The following MORC1 variants were observed in gnomAD, a reference collection of about 807,000 sequenced individuals.
The protein encoded by MORC1 is MORC family CW-type zinc finger protein 1.
A neutral mutation model predicts 134.9 loss-of-function variants in MORC1; 59 were observed. The observed-to-expected ratio is 0.44, with a 90% CI of 0.35 to 0.54. The LOEUF is 0.54. Among genes scored for constraint, MORC1 ranks in the 20% least tolerant of loss-of-function variants. The pLI is 0.00. For synonymous variants in MORC1, 395 were observed against 391.7 expected (o/e 1.01, Z -0.10); for missense variants, 947 against 1,134.5 (o/e 0.83, Z 2.37).
intron 17 of MORC1, among the ~76,000 whole-genome samples, chr3:109,024,511 AT>A (rs1250647644): frequency 6.6e-6 from 1 of 152,200 alleles, no homozygotes; most frequent in Non-Finnish European, 1.5e-5. Flanking sequence ...ATCCAGAAAG[AT>A]TTTTGATTTA....
At chr3:109,044,290 G>A (rs368638758) in intron 14 of MORC1, among the ~76,000 whole-genome samples, 48 of 152,164 alleles carry the variant, frequency 3.2e-4, no homozygotes, top group African/African-American at 1.1e-3. Flanking sequence ...AAAAAAAAAA[G>A]GGAAATACTT....
chr3:109,040,084 A>C (rs1432910070), intron 14 of MORC1, among the ~76,000 whole-genome samples: 26 of 152,032 alleles, frequency 1.7e-4, no homozygotes, highest in Non-Finnish European at 8.8e-5. Context: ...GCACAGAGAG[A>C]GCCTACAACA....
At chr3:108,964,134 C>T (rs1461135051) in intron 26 of MORC1, among the ~76,000 whole-genome samples, 2 of 152,178 alleles carry the variant, frequency 1.3e-5, no homozygotes, top group African/African-American at 2.4e-5. Context: ...CTTCGGGTTC[C>T]TTATCGTGAT....
At chr3:109,036,590 C>T (rs1949386127) in intron 14 of MORC1, among the ~76,000 whole-genome samples, 1 of 152,114 alleles carries the variant, frequency 6.6e-6, no homozygotes, top group Admixed American at 6.5e-5. Context: ...AGCCTTACAA[C>T]AACCTTAACA....
At chr3:109,101,988 C>T (rs753834314) in intron 4 of MORC1, among the ~76,000 whole-genome samples, 1 of 152,172 alleles carries the variant, frequency 6.6e-6, no homozygotes, top group Non-Finnish European at 1.5e-5. Context: ...TGGGAATAAA[C>T]CACTGAACAG....
intron 5 of MORC1, 120 bp from the exon 6 acceptor site, chr3:109,099,586 AC>A (rs2107776297): frequency 2.8e-6 from 2 of 703,336 alleles, no homozygotes; most frequent in South Asian, 6.1e-5. Flanking sequence ...TGTTCTGCTG[AC>A]CCGTCATCAA....
chr3:109,105,350 C>T (rs1263983945), intron 3 of MORC1, among the ~76,000 whole-genome samples: 2 of 152,202 alleles, frequency 1.3e-5, no homozygotes, highest in African/African-American at 4.8e-5. Context: ...TGGTGAAACC[C>T]TGTCTCTACT....
chr3:109,068,086 A>G (rs1950238808), intron 9 of MORC1, among the ~76,000 whole-genome samples: 1 of 152,248 alleles, frequency 6.6e-6, no homozygotes, highest in Non-Finnish European at 1.5e-5. Context: ...CCTAACACAC[A>G]GTGTTACTGC....
intron 8 of MORC1, among the ~76,000 whole-genome samples, chr3:109,089,729 T>C (rs1269350155): frequency 2.0e-5 from 3 of 152,246 alleles, no homozygotes; most frequent in African/African-American, 7.2e-5. Flanking sequence ...TAAACACACC[T>C]AGCCCAGCCC....
At chr3:109,059,919 A>G (rs1227433993) in intron 11 of MORC1, 49 bp from the exon 12 acceptor site, 2 of 1,503,934 alleles carry the variant, frequency 1.3e-6, no homozygotes, top group African/African-American at 1.4e-5. Context: ...CTGAATTAAC[A>G]AAAAGCAAGT....
chr3:109,002,139 T>G (rs990411045), intron 20 of MORC1, among the ~76,000 whole-genome samples: 1 of 152,226 alleles, frequency 6.6e-6, no homozygotes, highest in Non-Finnish European at 1.5e-5. Context: ...TCTGCCCACA[T>G]TCACTTTTGT....
Position 109,069,773 on chromosome 3 carries a change from C to A in MORC1, c.690-16G>T. On this transcript the variant is annotated splice_polypyrimidine_tract_variant and intron_variant, in intron 8 of 27. Transcript: ENST00000232603. The stretch of plus-strand genomic sequence containing the variant: ...CGCTGGGAAACTGAAATAGAAAATA[C>A]AAAATGTCACAATACAGAGGACACA... 2 of 1,604,828 alleles carry A rather than the reference C, an allele frequency of 1.2e-6. No homozygotes were observed. The highest frequency in any genetic ancestry group is 1.7e-6 in the Non-Finnish European group (2 of 1,174,244).
At chr3:109,067,949 A>G (rs1458473796) in intron 9 of MORC1, among the ~76,000 whole-genome samples, 5 of 152,194 alleles carry the variant, frequency 3.3e-5, no homozygotes, top group African/African-American at 1.2e-4. Context: ...ATGCAGACAT[A>G]TAATAAAGAG....
intron 9 of MORC1, among the ~76,000 whole-genome samples, chr3:109,068,880 G>A (rs1047714984): frequency 6.6e-6 from 1 of 152,236 alleles, no homozygotes; most frequent in Non-Finnish European, 1.5e-5. Flanking sequence ...GGGTGGCCAA[G>A]TGCAGTGGCT....
chr3:108,988,627 C>T (rs1947959459), intron 21 of MORC1, among the ~76,000 whole-genome samples: 1 of 152,086 alleles, frequency 6.6e-6, no homozygotes, highest in Non-Finnish European at 1.5e-5. Context: ...ACAAGATAAG[C>T]TTATGAGAGG....
At chr3:108,987,725 AG>A in intron 21 of MORC1, among the ~76,000 whole-genome samples, 1 of 152,064 alleles carries the variant, frequency 6.6e-6, no homozygotes, top group East Asian at 1.9e-4. Flanking sequence ...CCATTTTACA[AG>A]GCTCACATAA....
chr3:109,022,730 A>G (rs1948988532), intron 17 of MORC1, among the ~76,000 whole-genome samples: 1 of 152,236 alleles, frequency 6.6e-6, no homozygotes, highest in Admixed American at 6.5e-5. Context: ...CAAATATAAA[A>G]TATTCACCTT....
chr3:109,045,924 G>A (rs1459408665), intron 14 of MORC1, among the ~76,000 whole-genome samples: 8 of 151,982 alleles, frequency 5.3e-5, no homozygotes. Flanking sequence ...CTCTAGTTCC[G>A]TATCACTGGT....
At chr3:109,000,019 AC>A (rs1375267858) in intron 21 of MORC1, among the ~76,000 whole-genome samples, 2 of 152,140 alleles carry the variant, frequency 1.3e-5, no homozygotes, top group Non-Finnish European at 2.9e-5. Context: ...AGGCAAAGCA[AC>A]TCGATTCTAC....
Sources: allele counts gnomAD v4.1 joint callset (sites outside exome capture counted in the v4.1 genomes callset), GRCh38; gene constraint gnomAD v4.1.1; transcripts MANE v1.5; gene names NCBI Gene and HGNC (gene_info 2026-07-23, HGNC 2026-07-21).